Variants in NCOR2 observed in about 807,000 individuals in gnomAD.
The protein encoded by NCOR2 is nuclear receptor corepressor 2, also known as CTG repeat protein 26.
Under a neutral mutation model 262.9 loss-of-function variants are expected in NCOR2, and 81 were observed. The observed-to-expected ratio is 0.31, with a 90% confidence interval of 0.26 to 0.37. The LOEUF (loss-of-function observed/expected upper bound fraction) is 0.37. NCOR2 is among the 10% of genes least tolerant of loss of function. NCOR2 has a pLI of 1.00. For missense variants in NCOR2, 3,385 were observed against 3,621.4 expected, an observed-to-expected ratio of 0.93 and a Z score of 1.68; for synonymous variants, 1,659 against 1,559.3, an observed-to-expected ratio of 1.06 and a Z score of -1.51.
In NCOR2 at chr12:124,503,870, C is replaced by G. The variant is rs1225882828; in HGVS notation, c.-117-8502G>C. On this transcript the variant is annotated intron_variant, in intron 1 of 46. Coordinates refer to the NCOR2 transcript ENST00000404621. This position sits in a 1 kb window ranked among gnomAD's most constrained non-coding sequence, Gnocchi z 4.3. ...TCTGGTCTTACATTTCTAACCAATC[C>G]CCAGGGCCAAGCATGTCTTCATCCT... 6.6e-6 allele frequency among the ~76,000 whole-genome samples: 1 copy of G among 152,120 alleles called. No individual in the cohort carries two copies. The highest frequency in any genetic ancestry group is 1.5e-5 in the Non-Finnish European group (1 of 68,034).
intron 22 of NCOR2, 128 bp downstream of exon 24, chr12:124,361,998 T>G: frequency 3.5e-6 from 3 of 850,220 alleles, no homozygotes; most frequent in South Asian, 6.2e-5. Context: ...AACTGTTCCA[T>G]TCGTTTACTT....
At chr12:124,372,479 T>C in exon 20 of NCOR2, 1 of 933,204 alleles carries the variant, frequency 1.1e-6, no homozygotes, top group South Asian at 1.7e-5. Flanking sequence ...GGTGGTGGGG[T>C]GGGTGGCCCT....
chr12:124,356,696 T>C (rs767718046), exon 23 of NCOR2: 1 of 1,477,694 alleles, frequency 6.8e-7, no homozygotes, highest in South Asian at 1.4e-5. Context: ...GAGGCCTTGA[T>C]CACCTCACGG....
intron 3 of NCOR2, among the ~76,000 whole-genome samples, chr12:124,480,350 C>T (rs907695652): frequency 6.6e-6 from 1 of 152,174 alleles, no homozygotes; most frequent in East Asian, 1.9e-4. Flanking sequence ...CTGGCCACAG[C>T]CCCACCCTGG....
At chr12:124,431,338 C>T in intron 8 of NCOR2, among the ~76,000 whole-genome samples, 1 of 151,418 alleles carries the variant, frequency 6.6e-6, no homozygotes, top group East Asian at 1.9e-4. Context: ...CAGTCACCCA[C>T]ACGGTACACA....
intron 20 of NCOR2, among the ~76,000 whole-genome samples, chr12:124,366,280 C>T (rs546712648): frequency 3.3e-5 from 5 of 152,262 alleles, no homozygotes; most frequent in African/African-American, 9.6e-5. Flanking sequence ...GGCTCTGACA[C>T]GGGCTATGAC....
At chr12:124,558,807 C>A (rs1342234917) in intron 1 of NCOR2, among the ~76,000 whole-genome samples, 3 of 152,136 alleles carry the variant, frequency 2.0e-5, no homozygotes, top group Admixed American at 2.0e-4. Flanking sequence ...CCAACGGGCC[C>A]CTGAATGCCC....
intron 22 of NCOR2, among the ~76,000 whole-genome samples, chr12:124,357,106 C>A (rs1490641333): frequency 6.6e-6 from 1 of 152,248 alleles, no homozygotes; most frequent in Non-Finnish European, 1.5e-5. Context: ...CCTGGACAGG[C>A]CTCTAAGCCA....
upstream of NCOR2, among the ~76,000 whole-genome samples, chr12:124,499,245 A>G (rs2048550325): frequency 6.6e-6 from 1 of 152,238 alleles, no homozygotes; most frequent in Non-Finnish European, 1.5e-5. Context: ...CTGAGGATGG[A>G]TCCGGGCTGG....
chr12:124,325,501 G>T, exon 47 of NCOR2: 9 of 1,357,282 alleles, frequency 6.6e-6, no homozygotes, highest in Non-Finnish European at 8.6e-6. Context: ...CGCTGCCCGC[G>T]GGGAGGCCCG....
intron 6 of NCOR2, among the ~76,000 whole-genome samples, chr12:124,456,524 T>C (rs536208930): frequency 2.7e-4 from 41 of 152,184 alleles, no homozygotes; most frequent in Non-Finnish European, 4.9e-4. Context: ...ATCATCATCA[T>C]CATCATCATA....
At chr12:124,349,394 C>A (rs1047750954) in intron 28 of NCOR2, among the ~76,000 whole-genome samples, 1 of 152,186 alleles carries the variant, frequency 6.6e-6, no homozygotes, top group Admixed American at 6.5e-5. Context: ...GCCCACGGCC[C>A]GTGAGCTACT....
intron 3 of NCOR2, among the ~76,000 whole-genome samples, chr12:124,476,720 G>T (rs924452576): frequency 5.9e-5 from 9 of 152,126 alleles, no homozygotes; most frequent in Non-Finnish European, 1.2e-4. Flanking sequence ...TTAAGTTCGG[G>T]TTTAGCTTTT....
rs1310557383 is a variant in NCOR2, at chr12:124,531,241, T to C, written c.-118+4324A>G. ...TTATGAAAGAAAATGATAATAATAA[T>C]AGAAGGACAGGGAGGGGGCTGCAGG... On this transcript the variant is annotated intron_variant, in intron 1 of 46. Transcript: ENST00000404621. The surrounding 1 kb of genome is among the most constrained non-coding windows in gnomAD (Gnocchi z 4.5). Among the ~76,000 whole-genome samples the C allele has an allele frequency of 6.6e-6, 1 of 151,900 alleles. No individual in the cohort carries two copies.
rs145500686 is a variant in NCOR2 at position 124,485,093 on chromosome 12, C to A, written c.234-1320G>T. On this transcript the variant is annotated intron_variant, in intron 2 of 46. Transcript: ENST00000405201. ...CCCAGGGCTTCACCATTACATGGGG[C>A]TTGGCAGGAAGCGCATGGTGTTTTC... Among the ~76,000 whole-genome samples, 1,331 of 152,336 alleles carry A rather than the reference C, an allele frequency of 8.7e-3. 16 individuals are homozygous for A. Among genetic ancestry groups the A allele is most frequent in the African/African-American group, 0.03 (1,231 of 41,570 alleles).
exon 45 of NCOR2, chr12:124,327,432 C>T: frequency 6.2e-7 from 1 of 1,611,602 alleles, no homozygotes; most frequent in Non-Finnish European, 8.5e-7. Flanking sequence ...TGTGTGGTCA[C>T]TCCGTCCGTC....
intron 9 of NCOR2, 110 bp from the exon 12 acceptor site, chr12:124,429,816 G>T: frequency 9.6e-7 from 1 of 1,039,306 alleles, no homozygotes; most frequent in Non-Finnish European, 1.4e-6. Flanking sequence ...AGAAGTGTGG[G>T]CAGCGGCCAG....
intron 13 of NCOR2, among the ~76,000 whole-genome samples, chr12:124,408,959 T>A (rs1031186735): frequency 1.3e-5 from 2 of 152,146 alleles, no homozygotes; most frequent in African/African-American, 4.8e-5. Flanking sequence ...CGGCAGCACG[T>A]TGTCACGTGG....
chr12:124,483,553 C>A lies in NCOR2; in HGVS notation c.411+43G>T. 2 of 1,486,080 alleles carry A rather than the reference C, an allele frequency of 1.3e-6. No individual in the cohort carries two copies. Among genetic ancestry groups the A allele is most frequent in the East Asian group, 2.4e-5 (1 of 41,008 alleles). The allele number at this position is 1,486,080 out of a possible 1,614,324, so 92.1% of individuals were successfully genotyped here. On this transcript the variant is annotated intron_variant, in intron 3 of 46. Transcript: ENST00000405201. The surrounding 1 kb of genome is among the most constrained non-coding windows in gnomAD (Gnocchi z 6.3). ...CCACCCAGCCCAACCAGCAGCAGAA[C>A]CTCAAGCGGGAGAGGAGCTCCCAGC...
Sources: gnomAD v4.1 joint callset for allele counts (sites outside exome capture counted in the v4.1 genomes callset) on GRCh38, gnomAD v4.1.1 for gene constraint, Gnocchi (gnomAD v3.1) non-coding constraint, MANE v1.5 for transcripts, NCBI Gene and HGNC (gene_info 2026-07-23, HGNC 2026-07-21) for gene names.